The following FAM149B1 variants were observed in gnomAD, a reference collection of about 807,000 sequenced individuals.
FAM149B1 encodes the protein primary cilium assembly protein FAM149B1.
A neutral mutation model predicts 75.3 loss-of-function variants in FAM149B1; 56 were observed. The ratio of observed to expected loss-of-function variants is 0.74; its 90% CI spans 0.60 to 0.93. The LOEUF is 0.93. Ranked by LOEUF, FAM149B1 falls within the 40% of genes least tolerant of loss-of-function variation. The pLI is 0.00. For missense variants in FAM149B1, 639 were observed against 708.4 expected (o/e 0.90, Z 1.11); for synonymous variants, 259 against 256.1 (o/e 1.01, Z -0.11).
intron 2 of FAM149B1, among the ~76,000 whole-genome samples, chr10:73,175,107 C>A (rs1040424481): frequency 4.6e-5 from 7 of 152,126 alleles, no homozygotes; most frequent in African/African-American, 1.4e-4. Flanking sequence ...ACTTACAATC[C>A]CAGCACTATA....
chr10:73,170,175 C>G (rs965033545), intron 1 of FAM149B1, among the ~76,000 whole-genome samples: 2 of 152,094 alleles, frequency 1.3e-5, no homozygotes, highest in Non-Finnish European at 2.9e-5. Flanking sequence ...ACTGAGCCTT[C>G]GTTTCTGCAA....
chr10:73,174,421 A>G (rs1019073709), intron 1 of FAM149B1, among the ~76,000 whole-genome samples: 1 of 152,010 alleles, frequency 6.6e-6, no homozygotes, highest in Non-Finnish European at 1.5e-5. Flanking sequence ...TTAAGAATAT[A>G]TTTTAACAAC....
chr10:73,199,449 C>T (rs983034824), intron 5 of FAM149B1, among the ~76,000 whole-genome samples: 8 of 152,060 alleles, frequency 5.3e-5, no homozygotes, highest in African/African-American at 1.9e-4. Context: ...GATCTCCTGA[C>T]CTCATGGTCC....
chr10:73,218,585 GA>G (rs947532907), intron 7 of FAM149B1, among the ~76,000 whole-genome samples: 28 of 152,246 alleles, frequency 1.8e-4, no homozygotes, highest in Admixed American at 1.8e-3. Context: ...CTGGCTGAGA[GA>G]CAAAGCCCTT....
chr10:73,202,869 T>C (rs1197346284), intron 5 of FAM149B1, among the ~76,000 whole-genome samples: 2 of 152,060 alleles, frequency 1.3e-5, no homozygotes, highest in Non-Finnish European at 2.9e-5. Context: ...TTTGTATTTT[T>C]TGTAGAGACA....
chr10:73,214,729 A>C (rs1009176576), intron 7 of FAM149B1, among the ~76,000 whole-genome samples: 1 of 152,124 alleles, frequency 6.6e-6, no homozygotes, highest in Non-Finnish European at 1.5e-5. Context: ...GTTCTTGTCC[A>C]TATGTTCATC....
intron 1 of FAM149B1, among the ~76,000 whole-genome samples, chr10:73,171,891 G>T (rs1843734647): frequency 6.6e-6 from 1 of 152,106 alleles, no homozygotes; most frequent in South Asian, 2.1e-4. Context: ...GCCTCCCAAA[G>T]TGCTGGGATT....
intron 7 of FAM149B1, among the ~76,000 whole-genome samples, chr10:73,214,886 T>C (rs72812285): frequency 0.061 from 9,249 of 152,322 alleles, 390 homozygotes; most frequent in Non-Finnish European, 0.098. Flanking sequence ...TAATTATTTG[T>C]ATATTTGGTA....
At position 73,233,010 on chromosome 10, in the gene FAM149B1, G is replaced by A. The variant is rs542802146; in HGVS notation, c.1199G>A (p.Arg400Gln). Residue 400 changes from arginine to glutamine, a missense_variant, in exon 10 of 14, where the codon CGA becomes CAA. Physicochemically the swap from Arg to Gln is conservative, Grantham distance 43 (BLOSUM62 1). Coordinates refer to ENST00000242505, the MANE Select transcript of FAM149B1 (RefSeq NM_173348.2). ...TILSTRNWPNRAVEFSTSSLS... is the reference protein window; with the variant it reads ...TILSTRNWPNQAVEFSTSSLS... The stretch of plus-strand genomic sequence containing the variant: ...CTTTCAACTCGAAATTGGCCAAATC[G>A]AGCTGTGGAGTTTAGTACATCATCT... The A allele has an allele frequency of 4.4e-4, 688 of 1,551,864 alleles. 3 individuals are homozygous for A. Among genetic ancestry groups the A allele is most frequent in the Non-Finnish European group, 5.7e-4 (654 of 1,146,990 alleles).
chr10:73,179,027 C>T (rs1028595930), intron 3 of FAM149B1, among the ~76,000 whole-genome samples: 7 of 151,642 alleles, frequency 4.6e-5, no homozygotes, highest in South Asian at 2.1e-4. Context: ...TGCAGTGGCA[C>T]GATCTTGGCT....
At chr10:73,234,704 C>A in intron 10 of FAM149B1, 113 bp from the exon 11 acceptor site, 2 of 1,152,618 alleles carry the variant, frequency 1.7e-6, no homozygotes, top group Admixed American at 2.6e-5. Context: ...TAGCCTAAAG[C>A]TTTCTGTGCA....
chr10:73,215,230 AG>A (rs1434999001), intron 7 of FAM149B1, among the ~76,000 whole-genome samples: 1 of 152,110 alleles, frequency 6.6e-6, no homozygotes, highest in Non-Finnish European at 1.5e-5. Flanking sequence ...CATGTTGGCG[AG>A]GCTGGTCTTG....
At chr10:73,192,126 C>T (rs1296320725) in intron 3 of FAM149B1, 2 of 158,420 alleles carry the variant, frequency 1.3e-5, no homozygotes, top group African/African-American at 4.8e-5. Flanking sequence ...TCTTGAACTC[C>T]TGGCCTCAAG....
intron 3 of FAM149B1, among the ~76,000 whole-genome samples, chr10:73,184,178 T>A (rs1401547761): frequency 6.6e-6 from 1 of 152,008 alleles, no homozygotes; most frequent in East Asian, 1.9e-4. Context: ...ATGCAAAAAC[T>A]GCTTGAATTT....
chr10:73,197,233 G>T (rs1198219590), intron 5 of FAM149B1, among the ~76,000 whole-genome samples: 1 of 152,074 alleles, frequency 6.6e-6, no homozygotes, highest in Admixed American at 6.6e-5. Context: ...GAACTCCTGG[G>T]CTCAAGTGAT....
At position 73,168,200 on chromosome 10, in the gene FAM149B1, G is replaced by A. The variant is rs1238596399; in HGVS notation, c.-140G>A. On this transcript the variant is annotated 5_prime_UTR_variant, in exon 1 of 14. In the 5' UTR this introduces an upstream ATG that the reference lacks. Coordinates refer to ENST00000242505, the MANE Select transcript of FAM149B1 (RefSeq NM_173348.2). Reference sequence around the variant, plus strand: ...GGGGAGGTGGCTGCTCGGAGTCTAGGTGACGGGGCGAGACGGGGCCGGTAG... The same window carrying A: ...GGGGAGGTGGCTGCTCGGAGTCTAGATGACGGGGCGAGACGGGGCCGGTAG... 1 of 861,312 alleles carries A rather than the reference G, an allele frequency of 1.2e-6. No individual in the cohort carries two copies. 53.4% of individuals were successfully genotyped at this position (861,312 alleles called of 1,614,324 possible).
At chr10:73,190,846 G>GTAGC (rs1235377738) in intron 3 of FAM149B1, among the ~76,000 whole-genome samples, 4 of 151,814 alleles carry the variant, frequency 2.6e-5, no homozygotes, top group African/African-American at 9.7e-5. Context: ...AGCCTCCTGA[G>GTAGC]TAGCTGGGAC....
intron 1 of FAM149B1, among the ~76,000 whole-genome samples, chr10:73,168,650 T>A (rs1470653973): frequency 6.6e-6 from 1 of 152,244 alleles, no homozygotes; most frequent in Middle Eastern, 3.2e-3. Flanking sequence ...GGTCCCATTG[T>A]TAATGGCCAT....
intron 7 of FAM149B1, 125 bp downstream of exon 7, chr10:73,210,563 C>T: frequency 1.6e-6 from 1 of 612,928 alleles, no homozygotes; most frequent in Non-Finnish European, 2.7e-6. Context: ...GTGGCTTATG[C>T]CTATAATCCA....
Sources: gnomAD v4.1 joint callset for allele counts (sites outside exome capture counted in the v4.1 genomes callset) on GRCh38, gnomAD v4.1.1 for gene constraint, MANE v1.5 for transcripts, NCBI Gene and HGNC (gene_info 2026-07-23, HGNC 2026-07-21) for gene names.